The following STARD13 variants were observed in gnomAD, a reference collection of about 807,000 sequenced individuals.
The protein encoded by STARD13 is StAR related lipid transfer domain containing 13.
STARD13 carries 62 observed loss-of-function variants against 106.4 expected under a neutral mutation model. The ratio of observed to expected loss-of-function variants is 0.58; its 90% CI spans 0.48 to 0.72. The LOEUF (loss-of-function observed/expected upper bound fraction) is 0.72, where lower values mean the gene tolerates loss of function less well. Ranked by LOEUF, STARD13 falls within the 30% of genes least tolerant of loss-of-function variation. The pLI, the probability that STARD13 is intolerant of heterozygous loss-of-function variation, is 0.00. For synonymous variants in STARD13, 565 were observed against 553.0 expected, an observed-to-expected ratio of 1.02 and a Z score of -0.31; for missense variants, 1,387 against 1,424.0, an observed-to-expected ratio of 0.97 and a Z score of 0.42.
intron 13 of STARD13, among the ~76,000 whole-genome samples, chr13:33,106,132 A>T (rs1312158305): frequency 6.6e-6 from 1 of 152,242 alleles, no homozygotes; most frequent in Non-Finnish European, 1.5e-5. Flanking sequence ...CATAAAAGAA[A>T]TACATGGTCG....
the STARD13 span, among the ~76,000 whole-genome samples, chr13:33,365,513 T>C: frequency 6.6e-6 from 1 of 152,058 alleles, no homozygotes; most frequent in African/African-American, 2.4e-5. Context: ...CCAGGGAAGG[T>C]AAGGCGGGTA....
chr13:33,208,526 A>T (rs1887541820), intron 1 of STARD13, among the ~76,000 whole-genome samples: 1 of 152,136 alleles, frequency 6.6e-6, no homozygotes, highest in Non-Finnish European at 1.5e-5. Context: ...GGGAGAGGGT[A>T]TGGGGAGTTC....
chr13:33,574,913 CTTTT>C, the STARD13 span, among the ~76,000 whole-genome samples: 1 of 117,586 alleles, frequency 8.5e-6, no homozygotes, highest in Non-Finnish European at 1.7e-5. Flanking sequence ...TATGCATCTA[CTTTT>C]TTTTTTTTTT....
At chr13:33,256,093 A>C (rs1890350114) in intron 1 of STARD13, among the ~76,000 whole-genome samples, 1 of 152,248 alleles carries the variant, frequency 6.6e-6, no homozygotes, top group South Asian at 2.1e-4. Flanking sequence ...TATACACTCA[A>C]CAATAACAAA....
At chr13:33,456,326 A>G in the STARD13 span, among the ~76,000 whole-genome samples, 1 of 152,102 alleles carries the variant, frequency 6.6e-6, no homozygotes, top group Admixed American at 6.6e-5. Context: ...AGTAGCTAGG[A>G]TTACAGGCGT....
At chr13:33,400,165 C>T in the STARD13 span, among the ~76,000 whole-genome samples, 1 of 152,150 alleles carries the variant, frequency 6.6e-6, no homozygotes, top group Non-Finnish European at 1.5e-5. Context: ...TAACCACCAT[C>T]CTACTCTCTG....
chr13:33,112,174 C>T (rs1020595878), intron 9 of STARD13, among the ~76,000 whole-genome samples: 1 of 152,154 alleles, frequency 6.6e-6, no homozygotes, highest in African/African-American at 2.4e-5. Flanking sequence ...ACTGCAAGCT[C>T]CTGTGCTTTG....
At chr13:33,599,030 A>G in the STARD13 span, among the ~76,000 whole-genome samples, 2 of 152,192 alleles carry the variant, frequency 1.3e-5, no homozygotes, top group African/African-American at 4.8e-5. Context: ...GGGAATTTCA[A>G]TTGTGAGAGT....
At chr13:33,540,789 G>T in the STARD13 span, among the ~76,000 whole-genome samples, 1 of 152,208 alleles carries the variant, frequency 6.6e-6, no homozygotes, top group Non-Finnish European at 1.5e-5. Flanking sequence ...GGAAGGAAAA[G>T]AATGAGATAT....
intron 1 of STARD13, among the ~76,000 whole-genome samples, chr13:33,274,678 G>T (rs1406860671): frequency 6.6e-6 from 1 of 152,170 alleles, no homozygotes; most frequent in Non-Finnish European, 1.5e-5. Flanking sequence ...AGAACCGGAA[G>T]ACTTAGGTGA....
exon 2 of STARD13, chr13:33,348,967 A>G (rs2078043596): frequency 1.7e-6 from 1 of 603,958 alleles, no homozygotes; most frequent in South Asian, 1.9e-5. Flanking sequence ...TCAAGGTGCT[A>G]TAGATTCTGG....
the STARD13 span, among the ~76,000 whole-genome samples, chr13:33,403,038 T>A: frequency 2.0e-5 from 3 of 152,212 alleles, no homozygotes; most frequent in African/African-American, 7.2e-5. Flanking sequence ...TTGAGCTGGT[T>A]AACATTAAGG....
chr13:33,615,975 A>G, the STARD13 span, among the ~76,000 whole-genome samples: 2 of 152,194 alleles, frequency 1.3e-5, no homozygotes, highest in African/African-American at 4.8e-5. Context: ...CTTGATGTTG[A>G]GAATGTCATA....
chr13:33,146,531 T>C (rs1309405921), intron 3 of STARD13, among the ~76,000 whole-genome samples: 1 of 152,204 alleles, frequency 6.6e-6, no homozygotes, highest in Non-Finnish European at 1.5e-5. Context: ...GTTACATAGC[T>C]GTACATTTCA....
chr13:33,674,977 C>T, the STARD13 span, among the ~76,000 whole-genome samples: 1 of 152,206 alleles, frequency 6.6e-6, no homozygotes, highest in Non-Finnish European at 1.5e-5. Context: ...AAGGCAATGG[C>T]ACACTGGAAT....
At chr13:33,281,567 C>T (rs545343203) in intron 1 of STARD13, 1 of 152,132 alleles carries the variant, frequency 6.6e-6, no homozygotes, top group East Asian at 1.9e-4. Context: ...CCACCTTACA[C>T]CCATTAAGAT....
chr13:33,232,763 A>C (rs1888987499), intron 1 of STARD13, among the ~76,000 whole-genome samples: 1 of 152,246 alleles, frequency 6.6e-6, no homozygotes, highest in Non-Finnish European at 1.5e-5. Flanking sequence ...TCAGGAAATC[A>C]ACCCTCACTC....
chr13:33,194,776 A>C (rs191065885), intron 1 of STARD13, among the ~76,000 whole-genome samples: 59 of 152,342 alleles, frequency 3.9e-4, no homozygotes, highest in Middle Eastern at 3.4e-3. Context: ...AAAATCAGAA[A>C]CGAACAACTC....
At chr13:33,650,252 G>A in the STARD13 span, among the ~76,000 whole-genome samples, 3 of 121,632 alleles carry the variant, frequency 2.5e-5, no homozygotes, top group South Asian at 2.7e-4. Flanking sequence ...GTGCAGTGGC[G>A]CGATCTCTGC....
Sources: allele counts gnomAD v4.1 joint callset (sites outside exome capture counted in the v4.1 genomes callset), GRCh38; gene constraint gnomAD v4.1.1; transcripts MANE v1.5; gene names NCBI Gene and HGNC (gene_info 2026-07-23, HGNC 2026-07-21).